The following MEMO1 variants were observed in gnomAD, a reference collection of about 807,000 sequenced individuals.
MEMO1 encodes protein MEMO1.
A neutral mutation model predicts 45.2 loss-of-function variants in MEMO1; 6 were observed. That is an observed-to-expected ratio of 0.13 (90% CI 0.07 to 0.26). MEMO1 has a LOEUF of 0.26. Ranked by LOEUF, MEMO1 falls within the 10% of genes least tolerant of loss-of-function variation. MEMO1 has a pLI of 1.00. For missense variants in MEMO1, 184 were observed against 370.5 expected (o/e 0.50, Z 4.13); for synonymous variants, 78 against 124.3 (o/e 0.63, Z 2.48).
At chr2:31,984,304 C>T (rs753631021) in intron 2 of MEMO1, among the ~76,000 whole-genome samples, 6 of 152,120 alleles carry the variant, frequency 3.9e-5, no homozygotes, top group Non-Finnish European at 7.4e-5. Context: ...ATCCCCAAAA[C>T]CCGTAACTCC....
rs70964738 is a variant in MEMO1 at position 31,901,374 on chromosome 2, C to CAA, written c.438-9242_438-9241dup. Among the ~76,000 whole-genome samples the CAA allele has an allele frequency of 2.6e-3, 58 of 22,688 alleles. 4 individuals carry two copies. The highest frequency in any genetic ancestry group is 6.3e-3 in the South Asian group (4 of 636). The allele number at this position is 22,688 out of a possible 152,430, so 14.9% of individuals were successfully genotyped here. On this transcript the variant is annotated intron_variant, in intron 6 of 9. Coordinates refer to ENST00000404530, the MANE Select transcript of MEMO1 (RefSeq NM_001301833.4). ...AGCGAAAGAGTGAGACTCTGTCTCA[C>CAA]AAAAAAAAAAAAAAAAAAAAAAAAA...
chr2:31,934,520 G>T (rs1291615664), intron 3 of MEMO1, among the ~76,000 whole-genome samples: 1 of 151,612 alleles, frequency 6.6e-6, no homozygotes, highest in East Asian at 1.9e-4. Context: ...TTTATGTATG[G>T]CTAGGACAGA....
intron 8 of MEMO1, among the ~76,000 whole-genome samples, chr2:31,877,626 C>T (rs1674742816): frequency 6.6e-6 from 1 of 152,088 alleles, no homozygotes; most frequent in African/African-American, 2.4e-5. Context: ...AATTGTTCAC[C>T]ATTTTGGAAA....
At chr2:31,895,347 T>C (rs564418070) in intron 6 of MEMO1, among the ~76,000 whole-genome samples, 1 of 152,188 alleles carries the variant, frequency 6.6e-6, no homozygotes, top group African/African-American at 2.4e-5. Flanking sequence ...GGAGTTATTA[T>C]ATATTCAAAG....
Position 31,917,542 on chromosome 2 carries a change from C to T in MEMO1, c.437+384G>A, listed in dbSNP as rs376612308. Among the ~76,000 whole-genome samples, 4 of 152,168 alleles carry T rather than the reference C, an allele frequency of 2.6e-5. 1 individual carries two copies. Among genetic ancestry groups the T allele is most frequent in the African/African-American group, 2.4e-5 (1 of 41,524 alleles). ...CTTGCACAAGGTTGAAATAAATGAC[C>T]TCCAACATTAAATACAAGCCTAAAA... On this transcript the variant is annotated intron_variant, in intron 6 of 9. Coordinates refer to ENST00000404530, the MANE Select transcript of MEMO1 (RefSeq NM_001301833.4).
At chr2:31,877,171 T>C (rs1287606961) in intron 8 of MEMO1, among the ~76,000 whole-genome samples, 3 of 152,214 alleles carry the variant, frequency 2.0e-5, no homozygotes, top group Non-Finnish European at 4.4e-5. Context: ...GGATGGGAAA[T>C]GGACAAAGTC....
chr2:31,951,596 G>A (rs994943017), intron 2 of MEMO1, among the ~76,000 whole-genome samples: 20 of 151,140 alleles, frequency 1.3e-4, no homozygotes, highest in African/African-American at 4.6e-4. Context: ...GCAGTGGCAC[G>A]ATCTCGGCTC....
At position 31,927,639 on chromosome 2, in the gene MEMO1, T is replaced by TAA. The variant is rs555788140; in HGVS notation, c.212+4426_212+4427dup. ...AACTGTAAGACATTTTTATATTTTGTAAAAAAAAAAAAAAAAGTAAAGCAA... is the reference window on the plus strand; with the variant it reads ...AACTGTAAGACATTTTTATATTTTGTAAAAAAAAAAAAAAAAAAGTAAAGCAA... On this transcript the variant is annotated intron_variant, in intron 4 of 9. Transcript: ENST00000404530. 2.3e-3 allele frequency among the ~76,000 whole-genome samples: 324 copies of TAA among 138,784 alleles called. 2 individuals carry two copies. Among genetic ancestry groups the TAA allele is most frequent in the Middle Eastern group, 7.5e-3 (2 of 266 alleles). The allele number at this position is 138,784 out of a possible 152,430, so 91.0% of individuals were successfully genotyped here.
chr2:31,956,739 C>T (rs373041837), intron 2 of MEMO1, among the ~76,000 whole-genome samples: 11 of 152,166 alleles, frequency 7.2e-5, no homozygotes, highest in African/African-American at 1.4e-4. Context: ...GGGAAGAACA[C>T]GCATTATACA....
chr2:31,869,473 C>T (rs1673345217), intron 9 of MEMO1, among the ~76,000 whole-genome samples: 1 of 152,008 alleles, frequency 6.6e-6, no homozygotes, highest in South Asian at 2.1e-4. Flanking sequence ...AGTTTAAGAG[C>T]AGAATCTTCC....
At chr2:31,901,069 A>G (rs1678714937) in intron 6 of MEMO1, among the ~76,000 whole-genome samples, 1 of 152,152 alleles carries the variant, frequency 6.6e-6, no homozygotes, top group Non-Finnish European at 1.5e-5. Context: ...TGGAATAATT[A>G]TTTGGCAATA....
chr2:31,975,113 A>G (rs1288481775), intron 2 of MEMO1, among the ~76,000 whole-genome samples: 1 of 152,200 alleles, frequency 6.6e-6, no homozygotes, highest in Non-Finnish European at 1.5e-5. Context: ...CAGAGGTTGC[A>G]GTGAGCCAAG....
intron 2 of MEMO1, among the ~76,000 whole-genome samples, chr2:31,965,124 A>T (rs1668453876): frequency 6.6e-6 from 1 of 152,056 alleles, no homozygotes; most frequent in Non-Finnish European, 1.5e-5. Context: ...GAGGCAGGAG[A>T]ATCGCTTGAA....
chr2:31,986,405 G>C (rs559269743), intron 2 of MEMO1, among the ~76,000 whole-genome samples: 125 of 152,238 alleles, frequency 8.2e-4, no homozygotes, highest in African/African-American at 2.9e-3. Flanking sequence ...CCGGAAGGCG[G>C]AGCTTGCAGT....
intron 2 of MEMO1, among the ~76,000 whole-genome samples, chr2:31,955,775 A>G (rs1309083813): frequency 6.6e-6 from 1 of 151,760 alleles, no homozygotes; most frequent in Non-Finnish European, 1.5e-5. Context: ...GGCCCAACTA[A>G]TTTTGTATTT....
intron 4 of MEMO1, among the ~76,000 whole-genome samples, chr2:31,921,232 T>C (rs2148179306): frequency 6.6e-6 from 1 of 152,290 alleles, no homozygotes; most frequent in Admixed American, 6.5e-5. Flanking sequence ...CACAGAGATA[T>C]GATCATGTCA....
intron 6 of MEMO1, among the ~76,000 whole-genome samples, chr2:31,906,384 C>T (rs1028688246): frequency 2.0e-5 from 3 of 151,780 alleles, no homozygotes; most frequent in East Asian, 3.9e-4. Context: ...AGTGCAATGG[C>T]GCAATCTTGG....
chr2:31,975,597 AAGC>A (rs1235784011), intron 2 of MEMO1, among the ~76,000 whole-genome samples: 3 of 152,208 alleles, frequency 2.0e-5, no homozygotes, highest in African/African-American at 7.2e-5. Context: ...TCTTCCTAAG[AAGC>A]AGAACACTTT....
intron 2 of MEMO1, among the ~76,000 whole-genome samples, chr2:31,997,015 G>C (rs141348427): frequency 0.014 from 2,186 of 152,200 alleles, 21 homozygotes; most frequent in Middle Eastern, 0.024. Flanking sequence ...GGGCTCAAGG[G>C]AGAAAAACAG....
Sources: allele counts gnomAD v4.1 joint callset (sites outside exome capture counted in the v4.1 genomes callset), GRCh38; gene constraint gnomAD v4.1.1; transcripts MANE v1.5; gene names NCBI Gene and HGNC (gene_info 2026-07-23, HGNC 2026-07-21).